HCRTR2: variants seen among roughly 807,000 people sequenced by gnomAD.
The protein encoded by HCRTR2 is orexin receptor type 2.
A neutral mutation model predicts 49.0 loss-of-function variants in HCRTR2; 22 were observed. The ratio of observed to expected loss-of-function variants is 0.45; its 90% CI spans 0.32 to 0.64. The LOEUF (loss-of-function observed/expected upper bound fraction) is 0.64, where lower values mean the gene tolerates loss of function less well. Ranked by LOEUF, HCRTR2 falls within the 30% of genes least tolerant of loss-of-function variation. The probability of loss-of-function intolerance (pLI) is 0.04; values close to 1 mark genes in which losing one functional copy is unlikely to be tolerated. For synonymous variants in HCRTR2, 236 were observed against 205.3 expected (o/e 1.15, Z -1.28); for missense variants, 491 against 559.4 (o/e 0.88, Z 1.23).
chr6:55,156,901 C>T lies in HCRTR2; in HGVS notation c.-377-17310C>T, dbSNP rs116663225. Among the ~76,000 whole-genome samples, 478 of 152,202 alleles carry T rather than the reference C, an allele frequency of 3.1e-3. 2 individuals carry two copies. The highest frequency in any genetic ancestry group is 5.2e-3 in the Non-Finnish European group (351 of 68,010). On this transcript the variant is annotated intron_variant, in intron 1 of 7. Coordinates refer to the HCRTR2 transcript ENST00000615358. ...GGAACTTCCTCAACTTTACAAAGAA[C>T]ATCTACAACGAAACCACAGCTAACA...
At chr6:55,250,706 C>A (rs1581857102) in intron 2 of HCRTR2, among the ~76,000 whole-genome samples, 1 of 152,086 alleles carries the variant, frequency 6.6e-6, no homozygotes, top group East Asian at 1.9e-4. Flanking sequence ...ATGGGTATCT[C>A]TTATAATCAC....
chr6:55,277,470 C>T lies in HCRTR2; in HGVS notation c.853C>T (p.Arg285Trp), dbSNP rs151132860. 5 of 1,614,054 alleles carry T rather than the reference C, an allele frequency of 3.1e-6. No homozygotes were observed. The highest frequency in any genetic ancestry group is 1.7e-5 in the Admixed American group (1 of 60,002). The change falls in exon 5 of 7, where the codon CGG (arginine) becomes TGG (tryptophan). Residue 285 changes from arginine to tryptophan, a missense_variant. By Grantham distance (101) the Arg-to-Trp change is moderately radical. Transcript: ENST00000370862. ...AGGGCCAGGACAGCCAACGAAGTCC[C>T]GGATGAGCGCTGTGGCGGCTGAAAT... ...PRGPGQPTKS[R>W]MSAVAAEIKQ...
chr6:55,155,839 T>C (rs1259010782), intron 1 of HCRTR2, among the ~76,000 whole-genome samples: 1 of 152,022 alleles, frequency 6.6e-6, no homozygotes, highest in East Asian at 1.9e-4. Flanking sequence ...TGAACAAAGT[T>C]TGATTCATCT....
Position 55,205,668 on chromosome 6 carries a change from T to C in HCRTR2, c.223+30858T>C, listed in dbSNP as rs140040663. On this transcript the variant is annotated intron_variant, in intron 1 of 6. Coordinates refer to ENST00000370862, the MANE Select transcript of HCRTR2 (RefSeq NM_001384272.1). The stretch of plus-strand genomic sequence containing the variant: ...AAAAAAATAAAAAAAGAAGGAGAAA[T>C]GGCAAGTGTTTGGAGGCCAATTTAT... Among the ~76,000 whole-genome samples, 125 of 152,210 alleles carry C rather than the reference T, an allele frequency of 8.2e-4. 1 individual carries two copies. In the East Asian group the frequency reaches 0.021, roughly 26 times the overall value.
chr6:55,110,170 G>A (rs1046789346), intron 1 of HCRTR2, among the ~76,000 whole-genome samples: 1 of 152,096 alleles, frequency 6.6e-6, no homozygotes, highest in African/African-American at 2.4e-5. Flanking sequence ...TAAATGCTGA[G>A]AGAATTCGCC....
intron 3 of HCRTR2, among the ~76,000 whole-genome samples, chr6:55,257,537 C>G (rs1342412323): frequency 6.6e-6 from 1 of 150,652 alleles, no homozygotes; most frequent in Non-Finnish European, 1.5e-5. Flanking sequence ...TTAATGTTTC[C>G]CTGAATAATC....
intron 1 of HCRTR2, among the ~76,000 whole-genome samples, chr6:55,236,978 T>C (rs867240696): frequency 6.6e-6 from 1 of 152,138 alleles, no homozygotes; most frequent in African/African-American, 2.4e-5. Context: ...CCATGTGTTA[T>C]GCACACTCTT....
At chr6:55,111,225 G>A (rs1764044313) in intron 1 of HCRTR2, among the ~76,000 whole-genome samples, 1 of 151,882 alleles carries the variant, frequency 6.6e-6, no homozygotes, top group Admixed American at 6.6e-5. Context: ...GTCTGAAGGA[G>A]CACAAATAGA....
intron 1 of HCRTR2, among the ~76,000 whole-genome samples, chr6:55,124,381 T>C (rs1764244828): frequency 6.6e-6 from 1 of 152,206 alleles, no homozygotes; most frequent in Admixed American, 6.5e-5. Flanking sequence ...TACCCAGTAG[T>C]TATTCAGGAG....
intron 1 of HCRTR2, among the ~76,000 whole-genome samples, chr6:55,145,455 G>A (rs1321104781): frequency 1.3e-5 from 2 of 150,266 alleles, no homozygotes; most frequent in African/African-American, 4.9e-5. Context: ...CAGTCGCCTA[G>A]GCTGGAGTGC....
At chr6:55,232,625 G>T (rs977925370) in intron 1 of HCRTR2, among the ~76,000 whole-genome samples, 2 of 152,180 alleles carry the variant, frequency 1.3e-5, no homozygotes, top group African/African-American at 4.8e-5. Context: ...AAATCTTGAT[G>T]TTGGATGACA....
At chr6:55,209,909 C>T (rs1020198084) in intron 1 of HCRTR2, among the ~76,000 whole-genome samples, 3 of 151,936 alleles carry the variant, frequency 2.0e-5, no homozygotes, top group African/African-American at 4.8e-5. Context: ...TTTGCGTCTT[C>T]GAAGAACAAT....
chr6:55,255,696 A>T (rs1227812049), intron 3 of HCRTR2, among the ~76,000 whole-genome samples: 2 of 152,142 alleles, frequency 1.3e-5, no homozygotes, highest in African/African-American at 4.8e-5. Context: ...AGCAATATGG[A>T]ATACAAATCC....
intron 1 of HCRTR2, among the ~76,000 whole-genome samples, chr6:55,164,836 A>T (rs1279547556): frequency 6.6e-6 from 1 of 152,190 alleles, no homozygotes; most frequent in Non-Finnish European, 1.5e-5. Flanking sequence ...ACTGGAGACC[A>T]ATCCTGGAGT....
intron 1 of HCRTR2, among the ~76,000 whole-genome samples, chr6:55,226,749 G>T (rs1417484991): frequency 9.2e-6 from 1 of 108,726 alleles, no homozygotes; most frequent in African/African-American, 4.0e-5. Context: ...ACAGAGTCTC[G>T]CTCTGTCGCC....
chr6:55,245,469 T>TATATGATTATA (rs1562020342), intron 1 of HCRTR2, among the ~76,000 whole-genome samples: 1 of 56,800 alleles, frequency 1.8e-5, no homozygotes, highest in Admixed American at 2.1e-4. Flanking sequence ...TAGGAAGATT[T>TATATGATTATA]TATATATATA....
intron 1 of HCRTR2, among the ~76,000 whole-genome samples, chr6:55,158,106 C>A (rs562670928): frequency 2.0e-5 from 3 of 152,180 alleles, no homozygotes; most frequent in South Asian, 2.1e-4. Context: ...ACTGAGGTAC[C>A]CAGCTCCTCT....
intron 1 of HCRTR2, among the ~76,000 whole-genome samples, chr6:55,218,636 T>C (rs1168119237): frequency 1.3e-5 from 2 of 152,136 alleles, no homozygotes; most frequent in Non-Finnish European, 2.9e-5. Context: ...AAATAAATTG[T>C]AAGTCAATAA....
At chr6:55,119,533 T>C (rs1297947816) in intron 1 of HCRTR2, among the ~76,000 whole-genome samples, 1 of 152,174 alleles carries the variant, frequency 6.6e-6, no homozygotes, top group East Asian at 1.9e-4. Context: ...TAATGACAAG[T>C]GATAATGAGC....
Sources: allele counts gnomAD v4.1 joint callset (sites outside exome capture counted in the v4.1 genomes callset), GRCh38; gene constraint gnomAD v4.1.1; transcripts MANE v1.5; gene names NCBI Gene and HGNC (gene_info 2026-07-23, HGNC 2026-07-21).